Variants in RBPJ observed in about 807,000 individuals in gnomAD.
RBPJ encodes the protein recombining binding protein suppressor of hairless.
RBPJ carries 9 observed loss-of-function variants against 67.8 expected under a neutral mutation model. The observed-to-expected ratio is 0.13, with a 90% CI of 0.08 to 0.23. RBPJ has a LOEUF of 0.23. RBPJ is among the 10% of genes least tolerant of loss of function. RBPJ has a pLI of 1.00. For missense variants in RBPJ, 305 were observed against 595.6 expected (o/e 0.51, Z 5.08); for synonymous variants, 198 against 203.3 (o/e 0.97, Z 0.22).
At chr4:26,172,808 G>C (rs1387873710) in intron 1 of RBPJ, among the ~76,000 whole-genome samples, 1 of 152,182 alleles carries the variant, frequency 6.6e-6, no homozygotes. Context: ...CTGAGGTTGA[G>C]AGAAGTCATG....
chr4:26,378,726 T>C (rs188770442), intron 1 of RBPJ, among the ~76,000 whole-genome samples: 29 of 152,274 alleles, frequency 1.9e-4, no homozygotes, highest in African/African-American at 7.0e-4. Flanking sequence ...AAAAGGACTT[T>C]TAAAAATTAA....
chr4:26,223,154 CAA>C (rs549173084), intron 1 of RBPJ, among the ~76,000 whole-genome samples: 36 of 99,642 alleles, frequency 3.6e-4, no homozygotes, highest in Admixed American at 3.4e-4. Flanking sequence ...GACACTGTCT[CAA>C]AAAAAAAAAA....
intron 1 of RBPJ, among the ~76,000 whole-genome samples, chr4:26,379,184 T>G (rs1173954676): frequency 6.6e-6 from 1 of 151,996 alleles, no homozygotes; most frequent in African/African-American, 2.4e-5. Flanking sequence ...GTTTTTTTGT[T>G]TTTGTTTTTT....
At chr4:26,408,015 C>T (rs1295287552) in intron 3 of RBPJ, among the ~76,000 whole-genome samples, 1 of 148,358 alleles carries the variant, frequency 6.7e-6, no homozygotes, top group Admixed American at 6.8e-5. Context: ...GCTGGGACTA[C>T]AGGCACTCAC....
chr4:26,219,573 T>A (rs571667800), intron 1 of RBPJ, among the ~76,000 whole-genome samples: 3 of 152,290 alleles, frequency 2.0e-5, no homozygotes, highest in East Asian at 3.9e-4. Flanking sequence ...GAAGTCCCTA[T>A]GAATAAAAAG....
upstream of RBPJ, among the ~76,000 whole-genome samples, chr4:26,316,888 C>G (rs1384496124): frequency 8.7e-6 from 1 of 115,208 alleles, no homozygotes; most frequent in East Asian, 2.7e-4. Flanking sequence ...GCTCCATATG[C>G]CTTTTTCTCC....
chr4:26,432,540 C>G lies in RBPJ; in HGVS notation c.*1533C>G, dbSNP rs1560353348. 6.6e-6 allele frequency: 1 copy of G among 152,124 alleles called. No homozygotes were observed. Among genetic ancestry groups the G allele is most frequent in the African/African-American group, 2.4e-5 (1 of 41,406 alleles). 9.4% of individuals were successfully genotyped at this position (152,124 alleles called of 1,614,324 possible). A position where few individuals can be genotyped will look rare whatever the true frequency, so the allele number is the denominator to read the frequency against. ...TTGTAGGTTGGCCTTGCTTGCTAAC[C>G]CCGCCGGTTTTACCGTGCTTTCATT... On this transcript the variant is annotated 3_prime_UTR_variant, in exon 11 of 11. Coordinates refer to ENST00000355476, the MANE Select transcript of RBPJ (RefSeq NM_015874.6).
At chr4:26,420,306 T>A (rs1361598010) in intron 4 of RBPJ, among the ~76,000 whole-genome samples, 2 of 152,178 alleles carry the variant, frequency 1.3e-5, no homozygotes, top group Admixed American at 1.3e-4. Flanking sequence ...TTTTTTTAAA[T>A]GGTCTTTTAA....
chr4:26,335,725 A>G (rs1049896612), intron 1 of RBPJ, among the ~76,000 whole-genome samples: 2 of 142,604 alleles, frequency 1.4e-5, no homozygotes, highest in Non-Finnish European at 3.0e-5. Context: ...GTTTTACGCC[A>G]TTCTCCTGCC....
intron 1 of RBPJ, among the ~76,000 whole-genome samples, chr4:26,228,894 T>A (rs897132699): frequency 6.6e-6 from 1 of 152,246 alleles, no homozygotes; most frequent in Non-Finnish European, 1.5e-5. Flanking sequence ...GTACGACATC[T>A]GAATGGCTCC....
At chr4:26,304,395 C>G (rs954349748) in intron 1 of RBPJ, among the ~76,000 whole-genome samples, 2 of 152,156 alleles carry the variant, frequency 1.3e-5, no homozygotes, top group Non-Finnish European at 2.9e-5. Context: ...GTAACTCTAT[C>G]GTTACCCTTT....
chr4:26,203,986 C>T (rs961575523), intron 1 of RBPJ, among the ~76,000 whole-genome samples: 9 of 152,174 alleles, frequency 5.9e-5, no homozygotes, highest in African/African-American at 1.2e-4. Flanking sequence ...CACTCTCCCA[C>T]GGGGCTGGAG....
At chr4:26,168,483 T>C (rs1185133942) in intron 1 of RBPJ, among the ~76,000 whole-genome samples, 11 of 152,352 alleles carry the variant, frequency 7.2e-5, no homozygotes, top group South Asian at 4.1e-4. Flanking sequence ...TAACCTGACC[T>C]TTCTCTCTGG....
chr4:26,287,590 AGAGGGGAGGGGAGGGGAGGG>A lies in RBPJ; in HGVS notation c.-166-74826_-166-74807del, dbSNP rs551297816. ...AAAGGAAAGGAAAGGACAGGAGAGG[AGAGGGGAGGGGAGGGGAGGG>A]GAGGGGAGGGGAGGGGAGGGGAGGG... On this transcript the variant is annotated intron_variant, in intron 1 of 4. Coordinates refer to the RBPJ transcript ENST00000512351. 2.7e-3 allele frequency among the ~76,000 whole-genome samples: 17 copies of A among 6,380 alleles called. 1 individual carries two copies. Among genetic ancestry groups the A allele is most frequent in the African/African-American group, 0.015 (11 of 710 alleles). 4.2% of individuals were successfully genotyped at this position (6,380 alleles called of 152,430 possible).
At chr4:26,145,193 T>C in the RBPJ span, among the ~76,000 whole-genome samples, 2 of 152,188 alleles carry the variant, frequency 1.3e-5, no homozygotes, top group Admixed American at 6.5e-5. Context: ...TTAGGTCTTC[T>C]GGAAATTTTA....
At chr4:26,107,893 G>C in the RBPJ span, among the ~76,000 whole-genome samples, 1 of 152,156 alleles carries the variant, frequency 6.6e-6, no homozygotes, top group Non-Finnish European at 1.5e-5. Context: ...AAGAGACCCT[G>C]TCTCAAAAAA....
chr4:26,186,237 G>A (rs1040137028), intron 1 of RBPJ, among the ~76,000 whole-genome samples: 1 of 146,246 alleles, frequency 6.8e-6, no homozygotes, highest in African/African-American at 2.5e-5. Flanking sequence ...AAGAAGTCCT[G>A]GTTCTACCAT....
the RBPJ span, among the ~76,000 whole-genome samples, chr4:26,110,749 G>A: frequency 6.6e-6 from 1 of 152,152 alleles, no homozygotes; most frequent in Non-Finnish European, 1.5e-5. The surrounding 1 kb of genome is among the most constrained non-coding windows in gnomAD (Gnocchi z 4.5). Flanking sequence ...TGGCCTCCAC[G>A]GTGCTGGTGG....
chr4:26,217,622 G>A (rs866590192), intron 1 of RBPJ, among the ~76,000 whole-genome samples: 1 of 152,112 alleles, frequency 6.6e-6, no homozygotes, highest in Non-Finnish European at 1.5e-5. Flanking sequence ...CTGATTTGAA[G>A]GTAGAACATT....
Sources: gnomAD v4.1 joint callset for allele counts (sites outside exome capture counted in the v4.1 genomes callset) on GRCh38, gnomAD v4.1.1 for gene constraint, Gnocchi (gnomAD v3.1) non-coding constraint, MANE v1.5 for transcripts, NCBI Gene and HGNC (gene_info 2026-07-23, HGNC 2026-07-21) for gene names.